The following ROR1 variants were observed in gnomAD, a reference collection of about 807,000 sequenced individuals.
ROR1 encodes the protein ROR family WNT receptor 1.
Under a neutral mutation model 78.8 loss-of-function variants are expected in ROR1, and 19 were observed. The observed-to-expected ratio is 0.24, with a 90% CI of 0.17 to 0.35. The LOEUF is 0.35. Ranked by LOEUF, ROR1 falls within the 10% of genes least tolerant of loss-of-function variation. The pLI, the probability that ROR1 is intolerant of heterozygous loss-of-function variation, is 1.00. For missense variants in ROR1, 917 were observed against 1,177.8 expected, an observed-to-expected ratio of 0.78 and a Z score of 3.24; for synonymous variants, 386 against 433.6, an observed-to-expected ratio of 0.89 and a Z score of 1.36.
At chr1:63,900,453 CA>C (rs371935993) in intron 1 of ROR1, among the ~76,000 whole-genome samples, 29 of 110,678 alleles carry the variant, frequency 2.6e-4, no homozygotes, top group Non-Finnish European at 3.2e-4. Context: ...GACTCCATCT[CA>C]AAAAAAAAAA....
Position 63,832,057 on chromosome 1 carries a change from C to G in ROR1, c.91+57549C>G, listed in dbSNP as rs115341511. 5.6e-3 allele frequency among the ~76,000 whole-genome samples: 853 copies of G among 152,268 alleles called. 8 individuals carry two copies. Among genetic ancestry groups the G allele is most frequent in the African/African-American group, 0.019 (794 of 41,548 alleles). On this transcript the variant is annotated intron_variant, in intron 1 of 8. Transcript: ENST00000371079. ...TTTGCTAAAGCATAGGAAGAGTGAC[C>G]TTTGCTCCAGTTCATAATAAGTTCC...
intron 1 of ROR1, among the ~76,000 whole-genome samples, chr1:63,990,376 T>C (rs909417702): frequency 1.3e-5 from 2 of 152,102 alleles, no homozygotes; most frequent in African/African-American, 4.8e-5. Context: ...CTGTAATTCC[T>C]GGACTCTTCA....
intron 1 of ROR1, among the ~76,000 whole-genome samples, chr1:63,792,431 G>C (rs1474406477): frequency 1.3e-5 from 2 of 152,114 alleles, no homozygotes; most frequent in East Asian, 3.9e-4. Context: ...ATACGAAGAG[G>C]GAGCAGTTCT....
chr1:63,948,300 A>G (rs1381406948), intron 1 of ROR1, among the ~76,000 whole-genome samples: 1 of 152,142 alleles, frequency 6.6e-6, no homozygotes, highest in African/African-American at 2.4e-5. Flanking sequence ...TTCTGAATAA[A>G]TAAATATACA....
rs751270560 is a variant in ROR1 at position 64,178,260 on chromosome 1, A to G, written c.2219A>G (p.Lys740Arg). 1.9e-6 allele frequency: 3 copies of G among 1,614,080 alleles called. No individual in the cohort carries two copies. In the Admixed American group the frequency reaches 5.0e-5, roughly 27 times the overall value. ...NEIPSRRPRFKDIHVRLRSWE... is the reference protein window; with the variant it reads ...NEIPSRRPRFRDIHVRLRSWE... ...ATTCCTTCTAGGAGACCAAGATTTA[A>G]AGATATTCACGTCCGGCTTCGGTCC... Residue 740 changes from lysine (K) to arginine (R), a missense_variant, in exon 9 of 9, where the codon AAA (lysine) becomes AGA (arginine). Physicochemically the swap from Lys to Arg is conservative, Grantham distance 26 (BLOSUM62 2). This residue lies in a region of ROR1 where 835 missense variants were observed against 1,069.8 expected (regional missense o/e 0.78). Transcript: ENST00000371079. This position sits in a 1 kb window ranked among gnomAD's most constrained non-coding sequence, Gnocchi z 4.3.
intron 4 of ROR1, among the ~76,000 whole-genome samples, chr1:64,080,252 A>T (rs1011287354): frequency 6.6e-6 from 1 of 152,068 alleles, no homozygotes; most frequent in African/African-American, 2.4e-5. Context: ...ATATCTAGAG[A>T]TATTTTTGAT....
rs1557609691 is a variant in ROR1, at chr1:64,014,760, A to ACATACGCACAC, written c.163+5384_163+5385insCATACGCACAC. On this transcript the variant is annotated intron_variant, in intron 2 of 8. Transcript: ENST00000371079. ...GCACACTATATATATATATATATATATATATATATATATACACATTTTGTC... is the reference window on the plus strand; with the variant it reads ...GCACACTATATATATATATATATATACATACGCACACTATATATATATATACACATTTTGTC... Among the ~76,000 whole-genome samples the ACATACGCACAC allele has an allele frequency of 2.2e-4, 10 of 44,926 alleles. 1 individual carries two copies. Among genetic ancestry groups the ACATACGCACAC allele is most frequent in the South Asian group, 1.4e-3 (1 of 716 alleles). The allele number at this position is 44,926 out of a possible 152,430, so 29.5% of individuals were successfully genotyped here. A position where few individuals can be genotyped will look rare whatever the true frequency, so the allele number is the denominator to read the frequency against.
At chr1:64,140,566 C>T in intron 6 of ROR1, 140 bp downstream of exon 6, 1 of 709,824 alleles carries the variant, frequency 1.4e-6, no homozygotes, top group Non-Finnish European at 2.3e-6. Flanking sequence ...TGTGCCTGAG[C>T]ATTCAGTGGT....
chr1:64,150,092 G>T (rs1535872), intron 7 of ROR1, among the ~76,000 whole-genome samples: 1 of 151,866 alleles, frequency 6.6e-6, no homozygotes, highest in Non-Finnish European at 1.5e-5. Context: ...ATGGGCCTTT[G>T]TTTTACCCTT....
chr1:63,968,008 C>T lies in ROR1; in HGVS notation c.92-41297C>T, dbSNP rs185769911. 6.8e-4 allele frequency among the ~76,000 whole-genome samples: 104 copies of T among 152,190 alleles called. 1 individual carries two copies. The highest frequency in any genetic ancestry group is 4.1e-4 in the Non-Finnish European group (28 of 67,990). On this transcript the variant is annotated intron_variant, in intron 1 of 8. Coordinates refer to ENST00000371079, the MANE Select transcript of ROR1 (RefSeq NM_005012.4). ...CAAATTCCTTCTTACATTTTGTTTC[C>T]TTTAAGGCCTATGGAAACTGGTGGG... is the stretch of plus-strand genomic sequence containing the variant.
chr1:63,823,512 C>G (rs1006835914), intron 1 of ROR1, among the ~76,000 whole-genome samples: 1 of 129,510 alleles, frequency 7.7e-6, no homozygotes, highest in African/African-American at 3.0e-5. Flanking sequence ...TGCAGTGGTG[C>G]TATCATAGCT....
chr1:63,948,005 A>C (rs1398328474), intron 1 of ROR1, among the ~76,000 whole-genome samples: 1 of 152,182 alleles, frequency 6.6e-6, no homozygotes, highest in Non-Finnish European at 1.5e-5. Flanking sequence ...TTACCCTGTC[A>C]GTAACACTGC....
In ROR1 at chr1:64,050,678, T is replaced by C; in HGVS notation, c.452-8T>C. ...ACTGTTTCTTTTGTTTTTCTTTCATTTCTTCAGGCCCCCCTCCCACTGCAA... is the reference window on the plus strand; with the variant it reads ...ACTGTTTCTTTTGTTTTTCTTTCATCTCTTCAGGCCCCCCTCCCACTGCAA... On this transcript the variant is annotated splice_region_variant and splice_polypyrimidine_tract_variant and intron_variant, in intron 3 of 8. Transcript: ENST00000371079. 1 of 1,613,656 alleles carries C rather than the reference T, an allele frequency of 6.2e-7. No homozygotes were observed. Among genetic ancestry groups the C allele is most frequent in the Non-Finnish European group, 8.5e-7 (1 of 1,179,598 alleles).
intron 2 of ROR1, among the ~76,000 whole-genome samples, chr1:64,034,739 G>A (rs1422902064): frequency 1.3e-5 from 2 of 152,148 alleles, no homozygotes; most frequent in African/African-American, 4.8e-5. Flanking sequence ...AGGGTCAGGG[G>A]ATGTGTTTTA....
At chr1:63,981,877 C>T (rs1295822668) in intron 1 of ROR1, among the ~76,000 whole-genome samples, 1 of 152,066 alleles carries the variant, frequency 6.6e-6, no homozygotes, top group Admixed American at 6.6e-5. Context: ...CTTCTTTTTG[C>T]AAGCAGTGCT....
At chr1:63,869,448 C>A (rs1442102059) in intron 1 of ROR1, among the ~76,000 whole-genome samples, 1 of 152,262 alleles carries the variant, frequency 6.6e-6, no homozygotes, top group South Asian at 2.1e-4. Flanking sequence ...CCTTGAGATG[C>A]TGTGCACCTT....
At chr1:64,085,932 C>T (rs1044026139) in intron 4 of ROR1, among the ~76,000 whole-genome samples, 3 of 152,120 alleles carry the variant, frequency 2.0e-5, no homozygotes, top group Non-Finnish European at 2.9e-5. Context: ...TTAACAGCAA[C>T]GGGGCATGTG....
At chr1:63,965,675 T>C (rs1025572025) in intron 1 of ROR1, among the ~76,000 whole-genome samples, 6 of 152,248 alleles carry the variant, frequency 3.9e-5, no homozygotes, top group Non-Finnish European at 7.3e-5. Flanking sequence ...TATTGTGCTG[T>C]TATCACCTCA....
At chr1:63,947,215 C>A (rs1175738299) in intron 1 of ROR1, among the ~76,000 whole-genome samples, 1 of 152,168 alleles carries the variant, frequency 6.6e-6, no homozygotes, top group African/African-American at 2.4e-5. Flanking sequence ...CCAGTACAGT[C>A]CCCTGTATGG....
Sources: allele counts gnomAD v4.1 joint callset (sites outside exome capture counted in the v4.1 genomes callset), GRCh38; gene constraint gnomAD v4.1.1; regional missense constraint gnomAD v4.1.1; non-coding constraint Gnocchi (gnomAD v3.1); transcripts MANE v1.5; gene names NCBI Gene and HGNC (gene_info 2026-07-23, HGNC 2026-07-21).